The following UNC45A variants were observed in gnomAD, a reference collection of about 807,000 sequenced individuals.
UNC45A encodes unc-45 myosin chaperone A, also known as protein unc-45 homolog A.
In UNC45A, 78 loss-of-function variants were observed where a neutral mutation model predicts 103.2. That is an observed-to-expected ratio of 0.76 (90% CI 0.63 to 0.91). The LOEUF (loss-of-function observed/expected upper bound fraction) is 0.91, where lower values mean the gene tolerates loss of function less well. Among genes scored for constraint, UNC45A ranks in the 40% least tolerant of loss-of-function variants. The pLI is 0.00. For synonymous variants in UNC45A, 495 were observed against 504.6 expected (o/e 0.98, Z 0.25); for missense variants, 1,193 against 1,224.8 (o/e 0.97, Z 0.39).
intron 17 of UNC45A, 40 bp from the exon 18 acceptor site, chr15:90,952,889 C>A: frequency 6.3e-7 from 1 of 1,578,564 alleles, no homozygotes; most frequent in African/African-American, 1.3e-5. Flanking sequence ...GGGAAAACAT[C>A]CAAACCGTAT....
chr15:90,935,277 C>T (rs1199414284), upstream of UNC45A: 2 of 1,564,064 alleles, frequency 1.3e-6, no homozygotes, highest in Admixed American at 1.8e-5. Context: ...CCAGACTCGC[C>T]CCGCCCCAGA....
upstream of UNC45A, chr15:90,931,454 C>T (rs1473739575): frequency 3.1e-6 from 5 of 1,613,550 alleles, no homozygotes; most frequent in Non-Finnish European, 3.4e-6. Flanking sequence ...AAGGAAAGCA[C>T]TGCCTTTTCC....
intron 6 of UNC45A, 42 bp downstream of exon 6, chr15:90,940,515 G>A: frequency 6.3e-7 from 1 of 1,577,592 alleles, no homozygotes; most frequent in South Asian, 1.2e-5. Flanking sequence ...CAGTCCCTTT[G>A]TCTGTCTGTC....
In UNC45A at chr15:90,953,845, C is replaced by T. The variant is rs2037073067; in HGVS notation, c.*129C>T. 5 of 1,343,286 alleles carry T rather than the reference C, an allele frequency of 3.7e-6. No individual in the cohort carries two copies. The highest frequency in any genetic ancestry group is 5.1e-6 in the Non-Finnish European group (5 of 986,376). 83.2% of individuals were successfully genotyped at this position (1,343,286 alleles called of 1,614,324 possible). A position where few individuals can be genotyped will look rare whatever the true frequency, so the allele number is the denominator to read the frequency against. On this transcript the variant is annotated 3_prime_UTR_variant, in exon 20 of 20. Coordinates refer to ENST00000418476, the MANE Select transcript of UNC45A (RefSeq NM_018671.5). Reference sequence around the variant, plus strand: ...CTCTTGCCCATCCTCGCTTGCTGCCCTAGGATGTCCTCTGTTCTGAGTCAG... The same window carrying T: ...CTCTTGCCCATCCTCGCTTGCTGCCTTAGGATGTCCTCTGTTCTGAGTCAG...
chr15:90,942,763 A>T, intron 7 of UNC45A, 149 bp from the exon 8 acceptor site: 1 of 1,479,800 alleles, frequency 6.8e-7, no homozygotes, highest in Non-Finnish European at 9.2e-7. Context: ...TCAGCAACCA[A>T]GGTGCCTCAG....
intron 17 of UNC45A, among the ~76,000 whole-genome samples, chr15:90,951,209 G>C (rs2036893521): frequency 6.6e-6 from 1 of 152,184 alleles, no homozygotes; most frequent in Admixed American, 6.5e-5. Flanking sequence ...GCTTTACCAT[G>C]TTGGTCAGGC....
In UNC45A at chr15:90,953,010, C is replaced by T. The variant is rs2037005518; in HGVS notation, c.2385C>T (p.Ala795=). 2 of 1,613,596 alleles carry T rather than the reference C, an allele frequency of 1.2e-6. No individual in the cohort carries two copies. Among genetic ancestry groups the T allele is most frequent in the Non-Finnish European group, 8.5e-7 (1 of 1,180,034 alleles). ...FEEHEMIRRA[A]TECMCNLAMS... is the part of the protein sequence containing the mutation. ...AGCATGAGATGATCCGCCGGGCAGC[C>T]ACGGAGTGCATGTGTAACTTGGCCA... The change falls in exon 18 of 20, where the codon GCC becomes GCT. Residue 795 remains alanine, a synonymous_variant. Coordinates refer to ENST00000418476, the MANE Select transcript of UNC45A (RefSeq NM_018671.5).
chr15:90,953,068 C>T (rs936801478), intron 18 of UNC45A, 22 bp downstream of exon 18: 86 of 1,613,402 alleles, frequency 5.3e-5, no homozygotes, highest in Non-Finnish European at 6.9e-5. Context: ...TCTGGGTGCT[C>T]ATGACAGGCG....
At chr15:90,949,064 G>T (rs948474994) in intron 13 of UNC45A, among the ~76,000 whole-genome samples, 3 of 151,998 alleles carry the variant, frequency 2.0e-5, no homozygotes, top group Non-Finnish European at 4.4e-5. Context: ...TTTTAGTGGA[G>T]ACAGTGTTTC....
At chr15:90,934,895 G>C, upstream of UNC45A, 1 of 444,792 alleles carries the variant, frequency 2.2e-6, no homozygotes, top group East Asian at 3.5e-5. Flanking sequence ...GAGCGCAGCA[G>C]CGAGAGCGCG....
In UNC45A at chr15:90,936,328, G is replaced by C; in HGVS notation, c.294G>C (p.Arg98=). The C allele has an allele frequency of 6.2e-7, 1 of 1,614,098 alleles. No homozygotes were observed. Among genetic ancestry groups the C allele is most frequent in the East Asian group, 2.2e-5 (1 of 44,874 alleles). The change falls in exon 4 of 20, where the codon CGG becomes CGC. Residue 98 remains arginine (R), a synonymous_variant. Coordinates refer to ENST00000418476, the MANE Select transcript of UNC45A (RefSeq NM_018671.5). The part of the protein sequence containing the change: ...DGGDVKALYR[R]SQALEKLGRL... ...GGGATGTCAAAGCACTCTACCGGCG[G>C]AGCCAAGCCCTAGAGAAGCTGGGCC...
chr15:90,943,337 G>C (rs983542563), intron 8 of UNC45A, among the ~76,000 whole-genome samples: 1 of 150,580 alleles, frequency 6.6e-6, no homozygotes, highest in Non-Finnish European at 1.5e-5. Flanking sequence ...GCTGAGGTGG[G>C]AGAATTACTT....
At chr15:90,931,292 G>C (rs1350259627), upstream of UNC45A, 3 of 1,550,722 alleles carry the variant, frequency 1.9e-6, no homozygotes, top group Non-Finnish European at 2.6e-6. Flanking sequence ...GTCAGCCCCC[G>C]CTGCTTGAAC....
At chr15:90,951,478 T>A (rs1238348044) in intron 17 of UNC45A, among the ~76,000 whole-genome samples, 3 of 152,156 alleles carry the variant, frequency 2.0e-5, no homozygotes, top group African/African-American at 7.2e-5. Context: ...AATACTCAAA[T>A]GAGGCCGGGC....
Position 90,946,703 on chromosome 15 carries a change from A to T in UNC45A, c.1289A>T (p.Asn430Ile), listed in dbSNP as rs779191197. Residue 430 changes from asparagine (N) to isoleucine (I), a missense_variant, in exon 10 of 20, where the codon AAC (asparagine) becomes ATC (isoleucine). Coordinates refer to ENST00000418476, the MANE Select transcript of UNC45A (RefSeq NM_018671.5). ...CTGCAGGGCCCATGTGACGCTGGCAACCGGGCCTTGGAGCTGAGCGGTGTC... is the reference window on the plus strand; with the variant it reads ...CTGCAGGGCCCATGTGACGCTGGCATCCGGGCCTTGGAGCTGAGCGGTGTC... ...CLLQGPCDAG[N>I]RALELSGVME... is the part of the protein sequence containing the mutation. 2 of 1,612,982 alleles carry T rather than the reference A, an allele frequency of 1.2e-6. No homozygotes were observed. Among genetic ancestry groups the T allele is most frequent in the Non-Finnish European group, 1.7e-6 (2 of 1,180,012 alleles).
chr15:90,942,566 A>C lies in UNC45A; in HGVS notation c.817A>C (p.Lys273Gln). Residue 273 changes from lysine (K) to glutamine (Q), a missense_variant, in exon 7 of 20, where the codon AAA becomes CAA. Lys to Gln is a moderately conservative substitution (Grantham distance 53). Transcript: ENST00000418476. ...VMFDALKEGV[K>Q]KGFRGKEGAI... ...GTTTGATGCCCTCAAGGAAGGTGTC[A>C]AAAAAGGCTTCCGAGGCAAAGAAGG... 6.2e-7 allele frequency: 1 copy of C among 1,614,070 alleles called. No homozygotes were observed. The highest frequency in any genetic ancestry group is 8.5e-7 in the Non-Finnish European group (1 of 1,179,980).
In UNC45A at chr15:90,950,242, C is replaced by T. The variant is rs1446052480; in HGVS notation, c.2162C>T (p.Pro721Leu). 4.6e-5 allele frequency: 72 copies of T among 1,551,622 alleles called. No individual in the cohort carries two copies. Among genetic ancestry groups the T allele is most frequent in the East Asian group, 4.9e-5 (2 of 40,928 alleles). ...GCCAAGCTCACCATCACCTCCAACC[C>T]GGAGATGACCTTCCCTGGCGAGCGG... ...ALAKLTITSN[P>L]EMTFPGERIY... The change falls in exon 16 of 20, where the codon CCG becomes CTG. Residue 721 changes from proline to leucine, a missense_variant. Pro to Leu is a moderately conservative substitution (Grantham distance 98). Coordinates refer to ENST00000418476, the MANE Select transcript of UNC45A (RefSeq NM_018671.5).
intron 17 of UNC45A, 86 bp downstream of exon 17, chr15:90,950,701 C>A: frequency 7.4e-7 from 1 of 1,357,284 alleles, no homozygotes; most frequent in Non-Finnish European, 1.0e-6. Flanking sequence ...GGGAAACACT[C>A]CTTGGTCATG....
intron 2 of UNC45A, 94 bp downstream of exon 2, chr15:90,935,799 C>A: frequency 6.5e-7 from 1 of 1,527,820 alleles, no homozygotes; most frequent in East Asian, 2.3e-5. Context: ...TTCACGCTCC[C>A]AGGCCATCCC....
Sources: allele counts gnomAD v4.1 joint callset (sites outside exome capture counted in the v4.1 genomes callset), GRCh38; gene constraint gnomAD v4.1.1; transcripts MANE v1.5; gene names NCBI Gene and HGNC (gene_info 2026-07-23, HGNC 2026-07-21).